The following DNAH9 variants were observed in gnomAD, a reference collection of about 807,000 sequenced individuals.
DNAH9 encodes the protein dynein axonemal heavy chain 9, also known as DNAH9 variant protein.
DNAH9 carries 345 observed loss-of-function variants against 471.6 expected under a neutral mutation model. The ratio of observed to expected loss-of-function variants is 0.73; its 90% CI spans 0.67 to 0.80. DNAH9 has a LOEUF of 0.80. Ranked by LOEUF, DNAH9 falls within the 30% of genes least tolerant of loss-of-function variation. The pLI, the probability that DNAH9 is intolerant of heterozygous loss-of-function variation, is 0.00. For missense variants in DNAH9, 5,407 were observed against 5,609.2 expected (o/e 0.96, Z 1.15); for synonymous variants, 2,093 against 2,123.6 (o/e 0.99, Z 0.40).
intron 26 of DNAH9, among the ~76,000 whole-genome samples, chr17:11,712,465 C>T (rs1477704459): frequency 1.3e-5 from 2 of 151,842 alleles, no homozygotes; most frequent in Non-Finnish European, 2.9e-5. Flanking sequence ...TGTTATGGTA[C>T]TTTTATGTTT....
At chr17:11,672,308 A>G (rs2073985122) in intron 17 of DNAH9, among the ~76,000 whole-genome samples, 1 of 152,144 alleles carries the variant, frequency 6.6e-6, no homozygotes, top group Non-Finnish European at 1.5e-5. Context: ...TACAGCAGCA[A>G]ATGCCCACTG....
chr17:11,816,456 A>G (rs1970099490), intron 45 of DNAH9, among the ~76,000 whole-genome samples: 1 of 152,218 alleles, frequency 6.6e-6, no homozygotes, highest in South Asian at 2.1e-4. Flanking sequence ...ATTAAATACT[A>G]CTATTGGACA....
At position 11,781,011 on chromosome 17, in the gene DNAH9, G is replaced by A; in HGVS notation, c.7555G>A (p.Val2519Ile). 6.2e-7 allele frequency: 1 copy of A among 1,613,598 alleles called. No individual in the cohort carries two copies. The highest frequency in any genetic ancestry group is 8.5e-7 in the Non-Finnish European group (1 of 1,179,772). ...TCACCGACTGGCTCTCTCCCCAGCT[G>A]TCCTGGAGAAGCCTCTGGAAAAGAA... Reference protein sequence around the residue: ...YYTTSAMLQAVLEKPLEKKAG... With the variant: ...YYTTSAMLQAILEKPLEKKAG... Residue 2519 changes from valine to isoleucine, a missense_variant and splice_region_variant, in exon 39 of 69, where the codon GTC becomes ATC. By Grantham distance (29) the Val-to-Ile change is conservative. Coordinates refer to ENST00000262442, the MANE Select transcript of DNAH9 (RefSeq NM_001372.4).
At chr17:11,710,128 A>G (rs2074803766) in intron 26 of DNAH9, among the ~76,000 whole-genome samples, 2 of 152,236 alleles carry the variant, frequency 1.3e-5, no homozygotes, top group South Asian at 2.1e-4. Context: ...TGAAACTGAG[A>G]TCATATCTTA....
chr17:11,815,306 G>T (rs980792722), intron 45 of DNAH9, among the ~76,000 whole-genome samples: 11 of 151,910 alleles, frequency 7.2e-5, no homozygotes, highest in Admixed American at 5.9e-4. Flanking sequence ...CTATGTCCAA[G>T]AGATAATCTA....
At chr17:11,938,391 G>A (rs1176099063) in intron 66 of DNAH9, among the ~76,000 whole-genome samples, 5 of 151,104 alleles carry the variant, frequency 3.3e-5, no homozygotes, top group Non-Finnish European at 7.4e-5. Context: ...CCTGGGAGGT[G>A]GAGGTTGCAG....
At chr17:11,607,991 G>A (rs1241406107) in intron 1 of DNAH9, 138 bp from the exon 2 acceptor site, 3 of 591,832 alleles carry the variant, frequency 5.1e-6, no homozygotes, top group Non-Finnish European at 8.8e-6. Flanking sequence ...TGTAATGTTC[G>A]ACCCTATTAT....
At chr17:11,821,651 G>GA (rs1363377874) in intron 45 of DNAH9, among the ~76,000 whole-genome samples, 1 of 152,066 alleles carries the variant, frequency 6.6e-6, no homozygotes, top group Non-Finnish European at 1.5e-5. Context: ...TTGAGCAAAA[G>GA]AAAAAAAGAC....
rs372892940 is a variant in DNAH9, at chr17:11,933,988, C to T, written c.12406C>T (p.Arg4136Ter). ...LCRTYLGEFI[R>*]PEMLEGELSL... ...CAGAACCTACCTGGGGGAATTCATT[C>T]GACCAGAAATGTTAGAAGGAGAACT... is the stretch of plus-strand genomic sequence containing the variant. The change falls in exon 65 of 69, where the codon CGA (arginine) becomes TGA (stop). Residue 4136 changes from arginine (R) to a stop codon, truncating the protein, a stop_gained. Transcript: ENST00000262442. LOFTEE classifies it high-confidence loss of function. 2.3e-5 allele frequency: 37 copies of T among 1,614,044 alleles called. No individual in the cohort carries two copies. The African/African-American group carries it at 2.5e-4, about 11-fold the overall frequency.
At chr17:11,759,369 A>G (rs771608486) in intron 35 of DNAH9, among the ~76,000 whole-genome samples, 1 of 152,094 alleles carries the variant, frequency 6.6e-6, no homozygotes, top group Non-Finnish European at 1.5e-5. Flanking sequence ...AAGTGAGAAC[A>G]TGCAGTTTTT....
At chr17:11,843,124 G>A (rs1050284421) in intron 49 of DNAH9, among the ~76,000 whole-genome samples, 2 of 152,172 alleles carry the variant, frequency 1.3e-5, no homozygotes, top group Admixed American at 6.5e-5. Flanking sequence ...TTAACGTAGA[G>A]AAAGTGCAAT....
Position 11,834,829 on chromosome 17 carries a change from T to C in DNAH9, c.9438T>C (p.Cys3146=), listed in dbSNP as rs1166736161. Residue 3146 remains cysteine (C), a synonymous_variant, in exon 49 of 69, where the codon TGT becomes TGC. Coordinates refer to ENST00000262442, the MANE Select transcript of DNAH9 (RefSeq NM_001372.4). The stretch of plus-strand genomic sequence containing the variant: ...AGGTGAAACAGAAGCAGAAGGACTG[T>C]GAGGAGGACCTGGCAAAGGCTGAGC... The part of the protein sequence containing the change: ...MLEVKQKQKD[C]EEDLAKAEPA... 1 of 1,613,842 alleles carries C rather than the reference T, an allele frequency of 6.2e-7. No homozygotes were observed. Among genetic ancestry groups the C allele is most frequent in the African/African-American group, 1.3e-5 (1 of 74,884 alleles).
intron 4 of DNAH9, chr17:11,612,798 A>G (rs1028291037): frequency 1.3e-5 from 2 of 152,172 alleles, no homozygotes; most frequent in Admixed American, 6.5e-5. Context: ...GTCATTTCAC[A>G]TGGTCTAAGC....
chr17:11,826,360 G>GC (rs1239089062), intron 48 of DNAH9, among the ~76,000 whole-genome samples: 3 of 151,098 alleles, frequency 2.0e-5, no homozygotes, highest in South Asian at 2.1e-4. Context: ...CCGGAAGCTG[G>GC]GGGGGTAATT....
chr17:11,759,449 CA>C (rs1967556607), intron 35 of DNAH9, among the ~76,000 whole-genome samples: 1 of 149,020 alleles, frequency 6.7e-6, no homozygotes, highest in Non-Finnish European at 1.5e-5. Flanking sequence ...CTGCAAAAGA[CA>C]TGATTTCATT....
At chr17:11,840,488 T>C (rs1970995965) in intron 49 of DNAH9, among the ~76,000 whole-genome samples, 1 of 152,226 alleles carries the variant, frequency 6.6e-6, no homozygotes, top group Non-Finnish European at 1.5e-5. Flanking sequence ...TGTTTGTGTG[T>C]AAGAATTTCT....
rs1969948982 is a variant in DNAH9, at chr17:11,812,067, A to ATACG, written c.8707+1698_8707+1699insTACG. Among the ~76,000 whole-genome samples the ATACG allele has an allele frequency of 2.2e-5, 3 of 135,870 alleles. No homozygotes were observed. In the South Asian group the frequency reaches 7.1e-4, roughly 32 times the overall value. 89.1% of individuals were successfully genotyped at this position (135,870 alleles called of 152,430 possible). A position where few individuals can be genotyped will look rare whatever the true frequency, so the allele number is the denominator to read the frequency against. ...TATATATATATATACACATACATAC[A>ATACG]CACATACATCCAAGAATATAAGACA... On this transcript the variant is annotated intron_variant, in intron 45 of 68. Transcript: ENST00000262442.
intron 41 of DNAH9, among the ~76,000 whole-genome samples, chr17:11,789,334 T>C (rs1968982832): frequency 6.6e-6 from 1 of 152,042 alleles, no homozygotes; most frequent in African/African-American, 2.4e-5. Context: ...GGAGGTTTGT[T>C]TGGTAGAGGT....
Position 11,954,769 on chromosome 17 carries a change from T to TAAA in DNAH9, c.12844-7081_12844-7079dup, listed in dbSNP as rs34740871. On this transcript the variant is annotated intron_variant, in intron 67 of 68. Coordinates refer to ENST00000262442, the MANE Select transcript of DNAH9 (RefSeq NM_001372.4). ...TGGGCAACACGGCAAGACTTCGTCTTAAAAAAAAAAAAAAAAAAAGAGAGA... is the reference window on the plus strand; with the variant it reads ...TGGGCAACACGGCAAGACTTCGTCTTAAAAAAAAAAAAAAAAAAAAAAGAGAGA... Among the ~76,000 whole-genome samples, 242 of 118,708 alleles carry TAAA rather than the reference T, an allele frequency of 2.0e-3. 1 individual carries two copies. Among genetic ancestry groups the TAAA allele is most frequent in the African/African-American group, 6.7e-3 (223 of 33,074 alleles). 77.9% of individuals were successfully genotyped at this position (118,708 alleles called of 152,430 possible). A position where few individuals can be genotyped will look rare whatever the true frequency, so the allele number is the denominator to read the frequency against.
Sources: gnomAD v4.1 joint callset for allele counts (sites outside exome capture counted in the v4.1 genomes callset) on GRCh38, gnomAD v4.1.1 for gene constraint, MANE v1.5 for transcripts, NCBI Gene and HGNC (gene_info 2026-07-23, HGNC 2026-07-21) for gene names.